Variants in DOP1A observed in about 807,000 individuals in gnomAD.
DOP1A encodes DOP1 leucine zipper like protein A, also known as protein DOP1A.
A neutral mutation model predicts 267.6 loss-of-function variants in DOP1A; 90 were observed. That is an observed-to-expected ratio of 0.34 (90% CI 0.28 to 0.40). The LOEUF is 0.40. Among genes scored for constraint, DOP1A ranks in the 10% least tolerant of loss-of-function variants. The pLI is 1.00. For missense variants in DOP1A, 2,437 were observed against 2,900.4 expected (o/e 0.84, Z 3.67); for synonymous variants, 932 against 999.1 (o/e 0.93, Z 1.27).
intron 19 of DOP1A, 159 bp downstream of exon 19, chr6:83,134,446 A>G (rs1424774429): frequency 1.8e-6 from 1 of 564,190 alleles, no homozygotes; most frequent in Non-Finnish European, 2.9e-6. Context: ...ATTAAAATGC[A>G]TGGCATTTTT....
At chr6:83,145,204 A>ATATAT (rs1554246758) in intron 24 of DOP1A, among the ~76,000 whole-genome samples, 3 of 644 alleles carry the variant, frequency 4.7e-3, no homozygotes, top group African/African-American at 0.017. Flanking sequence ...ATATATATAT[A>ATATAT]ATAATATATA....
chr6:83,156,711 T>C (rs1782879296), intron 34 of DOP1A, among the ~76,000 whole-genome samples: 1 of 152,212 alleles, frequency 6.6e-6, no homozygotes, highest in African/African-American at 2.4e-5. Context: ...CATGGGAACA[T>C]GATAGTTGTC....
chr6:83,164,086 T>C (rs1232108609), intron 38 of DOP1A, among the ~76,000 whole-genome samples: 1 of 148,192 alleles, frequency 6.7e-6, no homozygotes, highest in African/African-American at 2.5e-5. Context: ...TGATCTAGGT[T>C]GTCTGGTGAG....
In DOP1A at chr6:83,106,035, ATAAC is replaced by A. The variant is rs1773556017; in HGVS notation, c.321-2872_321-2869del. Among the ~76,000 whole-genome samples the A allele has an allele frequency of 2.6e-5, 4 of 152,352 alleles. No homozygotes were observed. In the South Asian group the frequency reaches 8.3e-4, roughly 32 times the overall value. On this transcript the variant is annotated intron_variant, in intron 4 of 38. Transcript: ENST00000349129. ...CCATTGTTCTATACTTTTTTGAAGT[ATAAC>A]TATTTTAAAAACTAAAGTTTATATT...
intron 1 of DOP1A, among the ~76,000 whole-genome samples, chr6:83,078,611 G>A (rs999267378): frequency 1.2e-4 from 19 of 152,144 alleles, no homozygotes; most frequent in Non-Finnish European, 2.4e-4. Context: ...GGAAAACAAG[G>A]AAATTCAGAA....
intron 17 of DOP1A, among the ~76,000 whole-genome samples, 166 bp downstream of exon 17, chr6:83,130,563 T>G (rs889343908): frequency 1.3e-5 from 2 of 152,166 alleles, no homozygotes; most frequent in Non-Finnish European, 2.9e-5. Context: ...ATATACATAC[T>G]GCTCTCCCCA....
At chr6:83,087,821 G>A (rs1167013318) in intron 1 of DOP1A, among the ~76,000 whole-genome samples, 3 of 152,152 alleles carry the variant, frequency 2.0e-5, no homozygotes, top group Non-Finnish European at 4.4e-5. Flanking sequence ...AAGGCGACAG[G>A]ACAAGCTTTG....
intron 35 of DOP1A, 142 bp downstream of exon 35, chr6:83,157,460 A>G: frequency 1.1e-6 from 1 of 879,772 alleles, no homozygotes; most frequent in Non-Finnish European, 1.8e-6. Flanking sequence ...TTACAGTTGA[A>G]AATAGTAAAA....
chr6:83,141,051 A>G (rs1235631595), intron 23 of DOP1A, among the ~76,000 whole-genome samples: 1 of 152,172 alleles, frequency 6.6e-6, no homozygotes, highest in East Asian at 1.9e-4. Flanking sequence ...TGTTCATTAT[A>G]GTATTATTTA....
chr6:83,091,646 T>C (rs1052826055), intron 1 of DOP1A, among the ~76,000 whole-genome samples: 1 of 152,202 alleles, frequency 6.6e-6, no homozygotes, highest in Admixed American at 6.5e-5. Context: ...GAGATAATAT[T>C]GCTTAAAAAT....
chr6:83,092,889 A>T (rs1770718774), intron 1 of DOP1A, among the ~76,000 whole-genome samples: 2 of 152,052 alleles, frequency 1.3e-5, no homozygotes, highest in South Asian at 4.1e-4. Context: ...TTGTCATGTT[A>T]CTCAGAATGT....
At chr6:83,139,780 A>G (rs1351838377) in intron 21 of DOP1A, among the ~76,000 whole-genome samples, 1 of 152,146 alleles carries the variant, frequency 6.6e-6, no homozygotes, top group East Asian at 1.9e-4. Flanking sequence ...TATTTTGTAT[A>G]GAATTCTTTA....
At chr6:83,133,552 T>C (rs1323304055) in intron 18 of DOP1A, among the ~76,000 whole-genome samples, 2 of 152,116 alleles carry the variant, frequency 1.3e-5, no homozygotes, top group Non-Finnish European at 2.9e-5. Context: ...AGTGTGACAA[T>C]TTCTACTTGA....
At chr6:83,101,161 G>A (rs1020590350) in intron 4 of DOP1A, among the ~76,000 whole-genome samples, 27 of 151,956 alleles carry the variant, frequency 1.8e-4, no homozygotes, top group African/African-American at 6.0e-4. Flanking sequence ...GACTACAGGC[G>A]CCCGCCACCA....
chr6:83,168,346 A>G lies in DOP1A; in HGVS notation c.*179A>G. ...TGAATGTGGCCTGAATCAAGTTTAA[A>G]TATTGTTGGCTCATACTGATTATGG... On this transcript the variant is annotated 3_prime_UTR_variant, in exon 39 of 39. Transcript: ENST00000349129. The G allele has an allele frequency of 2.1e-6, 3 of 1,409,348 alleles. No homozygotes were observed. The South Asian group carries it at 4.7e-5, about 22-fold the overall frequency. 87.3% of individuals were successfully genotyped at this position (1,409,348 alleles called of 1,614,324 possible).
intron 23 of DOP1A, 50 bp from the exon 24 acceptor site, chr6:83,141,871 T>A: frequency 6.4e-7 from 1 of 1,565,068 alleles, no homozygotes; most frequent in Non-Finnish European, 8.6e-7. Flanking sequence ...GTTGTAAATG[T>A]TTTTTCATTT....
downstream of DOP1A, chr6:83,169,347 T>C: frequency 6.2e-7 from 1 of 1,612,846 alleles, no homozygotes; most frequent in African/African-American, 1.3e-5. Flanking sequence ...TAAAAGAGAT[T>C]AGATGAGAAA....
chr6:83,154,891 TAC>T (rs1782457390), intron 33 of DOP1A, among the ~76,000 whole-genome samples: 1 of 152,264 alleles, frequency 6.6e-6, no homozygotes, highest in South Asian at 2.1e-4. Context: ...TAGCTAAAGC[TAC>T]AGTTTTCTCA....
chr6:83,152,211 TACAC>T (rs3830924), intron 29 of DOP1A, 73 bp from the exon 30 acceptor site: 155,918 of 697,188 alleles, frequency 0.22, 18,428 homozygotes, highest in Admixed American at 0.24. Context: ...ATAAAAATAA[TACAC>T]ACACACACAC....
Sources: gnomAD v4.1 joint callset for allele counts (sites outside exome capture counted in the v4.1 genomes callset) on GRCh38, gnomAD v4.1.1 for gene constraint, MANE v1.5 for transcripts, NCBI Gene and HGNC (gene_info 2026-07-23, HGNC 2026-07-21) for gene names.